Variants in RAB3C observed in about 807,000 individuals in gnomAD.
RAB3C encodes RAB3C, member RAS oncogene family, also known as ras-related protein Rab-3C.
RAB3C carries 17 observed loss-of-function variants against 26.4 expected under a neutral mutation model. That is an observed-to-expected ratio of 0.64 (90% confidence interval 0.44 to 0.97). The LOEUF is 0.97. RAB3C is among the 50% of genes least tolerant of loss of function. The pLI, the probability that RAB3C is intolerant of heterozygous loss-of-function variation, is 0.00. For missense variants in RAB3C, 242 were observed against 281.9 expected (o/e 0.86, Z 1.01); for synonymous variants, 91 against 95.9 (o/e 0.95, Z 0.30).
intron 3 of RAB3C, among the ~76,000 whole-genome samples, chr5:58,824,413 A>G (rs1743426665): frequency 6.6e-6 from 1 of 152,344 alleles, no homozygotes; most frequent in East Asian, 1.9e-4. Context: ...GCAACTTAAA[A>G]TGCCAGCTCA....
chr5:58,692,077 C>T (rs1268838717), intron 2 of RAB3C, among the ~76,000 whole-genome samples: 1 of 152,170 alleles, frequency 6.6e-6, no homozygotes, highest in Non-Finnish European at 1.5e-5. Context: ...TCTGATACAT[C>T]TGGCATGAAA....
At chr5:58,823,139 C>A in intron 3 of RAB3C, 1 of 389,788 alleles carries the variant, frequency 2.6e-6, no homozygotes, top group South Asian at 2.3e-5. Context: ...CATGCATTAC[C>A]TAATGGAAGC....
intron 2 of RAB3C, among the ~76,000 whole-genome samples, chr5:58,632,862 G>T (rs916184734): frequency 2.0e-5 from 3 of 152,048 alleles, no homozygotes; most frequent in African/African-American, 7.2e-5. Flanking sequence ...CTTTGCTTTG[G>T]ATTCTTTCTC....
intron 2 of RAB3C, among the ~76,000 whole-genome samples, chr5:58,668,789 A>C (rs1748052254): frequency 6.6e-6 from 1 of 152,098 alleles, no homozygotes; most frequent in African/African-American, 2.4e-5. Context: ...CTTAATTTCT[A>C]GTCACTCATG....
intron 3 of RAB3C, among the ~76,000 whole-genome samples, chr5:58,800,109 G>A (rs752269454): frequency 6.6e-6 from 1 of 152,142 alleles, no homozygotes; most frequent in South Asian, 2.1e-4. Flanking sequence ...CCCAGTGAGT[G>A]GTGTTTGGAA....
intron 2 of RAB3C, among the ~76,000 whole-genome samples, chr5:58,626,343 G>GTC (rs936355342): frequency 2.0e-5 from 3 of 152,146 alleles, no homozygotes; most frequent in African/African-American, 4.8e-5. Context: ...ATCTAATTTA[G>GTC]TCTCACAGAA....
intron 3 of RAB3C, among the ~76,000 whole-genome samples, chr5:58,792,548 A>G (rs1742551553): frequency 6.6e-6 from 1 of 152,156 alleles, no homozygotes; most frequent in South Asian, 2.1e-4. Flanking sequence ...AATTAGAGCC[A>G]GAGGCGGAAG....
At chr5:58,658,118 T>C (rs756184192) in intron 2 of RAB3C, among the ~76,000 whole-genome samples, 1 of 152,230 alleles carries the variant, frequency 6.6e-6, no homozygotes, top group Non-Finnish European at 1.5e-5. Flanking sequence ...GTGTCTATTA[T>C]GTTGCAGGTA....
chr5:58,784,562 G>T (rs1315912175), intron 3 of RAB3C, among the ~76,000 whole-genome samples: 2 of 151,898 alleles, frequency 1.3e-5, no homozygotes, highest in Non-Finnish European at 2.9e-5. Context: ...TACATGTATT[G>T]CTGCTTTTTC....
chr5:58,638,301 A>G (rs1163586044), intron 2 of RAB3C, among the ~76,000 whole-genome samples: 1 of 151,752 alleles, frequency 6.6e-6, no homozygotes, highest in Non-Finnish European at 1.5e-5. Flanking sequence ...TAAGTTACTA[A>G]CTTTTCTATT....
At chr5:58,678,273 T>TA (rs1450434162) in intron 2 of RAB3C, among the ~76,000 whole-genome samples, 1 of 152,190 alleles carries the variant, frequency 6.6e-6, no homozygotes, top group Non-Finnish European at 1.5e-5. Flanking sequence ...GAATGAAACT[T>TA]ATGTAGGTCC....
chr5:58,664,959 T>G (rs575484024), intron 2 of RAB3C, among the ~76,000 whole-genome samples: 1 of 152,244 alleles, frequency 6.6e-6, no homozygotes, highest in Admixed American at 6.5e-5. Context: ...ATCTTGGCGC[T>G]GGATGCCTCC....
At position 58,804,059 on chromosome 5, in the gene RAB3C, T is replaced by TAA. The variant is rs11398720; in HGVS notation, c.372-20966_372-20965dup. Among the ~76,000 whole-genome samples the TAA allele has an allele frequency of 2.2e-3, 325 of 145,386 alleles. 1 individual carries two copies. The highest frequency in any genetic ancestry group is 4.0e-3 in the African/African-American group (159 of 39,312). On this transcript the variant is annotated intron_variant, in intron 3 of 4. Transcript: ENST00000282878. ...CAGGTGACAGTGCGAGACTCTATCTTAAAAAAAAAAAAAATGAAATTCTTA... is the reference window on the plus strand; with the variant it reads ...CAGGTGACAGTGCGAGACTCTATCTTAAAAAAAAAAAAAAAATGAAATTCTTA...
At position 58,857,985 on chromosome 5, in the gene RAB3C, T is replaced by G. The variant is rs1394322457; in HGVS notation, c.*6634T>G. 2 of 152,248 alleles carry G rather than the reference T, an allele frequency of 1.3e-5. No individual in the cohort carries two copies. The highest frequency in any genetic ancestry group is 4.8e-5 in the African/African-American group (2 of 41,456). 9.4% of individuals were successfully genotyped at this position (152,248 alleles called of 1,614,324 possible). On this transcript the variant is annotated 3_prime_UTR_variant, in exon 5 of 5. Coordinates refer to ENST00000282878, the MANE Select transcript of RAB3C (RefSeq NM_138453.4). ...AAGCATTCATTTTAATATTGTACTT[T>G]GCCTTTTCATTCAGTTAGTGGAGTA... is the stretch of plus-strand genomic sequence containing the variant.
intron 1 of RAB3C, among the ~76,000 whole-genome samples, chr5:58,598,435 C>T: frequency 6.6e-6 from 1 of 152,060 alleles, no homozygotes; most frequent in African/African-American, 2.4e-5. Flanking sequence ...CTGGGGTTCC[C>T]TTTCTTATCT....
chr5:58,735,439 A>T (rs968897268), intron 3 of RAB3C, among the ~76,000 whole-genome samples: 13 of 152,218 alleles, frequency 8.5e-5, no homozygotes, highest in Admixed American at 2.0e-4. Flanking sequence ...CTGTAGAATT[A>T]TAATTCCCAC....
intron 4 of RAB3C, among the ~76,000 whole-genome samples, chr5:58,846,397 A>G (rs2675378): frequency 0.58 from 88,364 of 151,820 alleles, 25,957 homozygotes; most frequent in Middle Eastern, 0.71. Context: ...ACTTTTAAGC[A>G]CTTCAGGTGA....
At position 58,763,168 on chromosome 5, in the gene RAB3C, A is replaced by G. The variant is rs556751337; in HGVS notation, c.371+37048A>G. 3.3e-5 allele frequency among the ~76,000 whole-genome samples: 5 copies of G among 152,358 alleles called. No individual in the cohort carries two copies. In the East Asian group the frequency reaches 9.6e-4, roughly 29 times the overall value. ...TAGCTCAAAAACAGTGAGTAGAGCT[A>G]GAATCCTATAATCCAAAAGGGTATA... On this transcript the variant is annotated intron_variant, in intron 3 of 4. Coordinates refer to ENST00000282878, the MANE Select transcript of RAB3C (RefSeq NM_138453.4).
At chr5:58,668,694 A>T (rs967754424) in intron 2 of RAB3C, among the ~76,000 whole-genome samples, 1 of 152,108 alleles carries the variant, frequency 6.6e-6, no homozygotes, top group Non-Finnish European at 1.5e-5. Flanking sequence ...TATAGCTGAG[A>T]GGTAGAAGTC....
Sources: gnomAD v4.1 joint callset for allele counts (sites outside exome capture counted in the v4.1 genomes callset) on GRCh38, gnomAD v4.1.1 for gene constraint, MANE v1.5 for transcripts, NCBI Gene and HGNC (gene_info 2026-07-23, HGNC 2026-07-21) for gene names.